MCF2L: variants seen among roughly 807,000 people sequenced by gnomAD.
MCF2L encodes the protein guanine nucleotide exchange factor DBS.
Under a neutral mutation model 153.4 loss-of-function variants are expected in MCF2L, and 97 were observed. The ratio of observed to expected loss-of-function variants is 0.63; its 90% CI spans 0.54 to 0.75. The LOEUF (loss-of-function observed/expected upper bound fraction) is 0.75. Ranked by LOEUF, MCF2L falls within the 30% of genes least tolerant of loss-of-function variation. MCF2L has a pLI of 0.00. For synonymous variants in MCF2L, 659 were observed against 632.2 expected, an observed-to-expected ratio of 1.04 and a Z score of -0.64; for missense variants, 1,347 against 1,495.2, an observed-to-expected ratio of 0.90 and a Z score of 1.64.
intron 1 of MCF2L, among the ~76,000 whole-genome samples, chr13:112,974,120 C>T (rs2082140378): frequency 1.3e-5 from 2 of 152,322 alleles, no homozygotes; most frequent in South Asian, 4.1e-4. Context: ...TCACCTGCCG[C>T]TCCACATCAC....
At position 113,053,971 on chromosome 13, in the gene MCF2L, G is replaced by A. The variant is rs75233128; in HGVS notation, c.370-6622G>A. Among the ~76,000 whole-genome samples, 375 of 152,274 alleles carry A rather than the reference G, an allele frequency of 2.5e-3. No homozygotes were observed. The highest frequency in any genetic ancestry group is 8.4e-3 in the African/African-American group (349 of 41,558). Reference sequence around the variant, plus strand: ...ATGGGAGCTCAGTTCACACGGCTCCGAATCGGCGAAACGCAACCAACGCTG... The same window carrying A: ...ATGGGAGCTCAGTTCACACGGCTCCAAATCGGCGAAACGCAACCAACGCTG... On this transcript the variant is annotated intron_variant, in intron 4 of 29. Transcript: ENST00000535094. The surrounding 1 kb of genome is among the most constrained non-coding windows in gnomAD (Gnocchi z 4.4).
At chr13:113,095,331 A>G (rs2146751) in intron 27 of MCF2L, 803,368 of 1,169,188 alleles carry the variant, frequency 0.69, 279,129 homozygotes, top group Admixed American at 0.72. Context: ...GTGGAAGGGT[A>G]GGGAGAGCCC....
intron 2 of MCF2L, among the ~76,000 whole-genome samples, chr13:112,934,178 A>G (rs1481183322): frequency 1.3e-5 from 2 of 152,198 alleles, no homozygotes; most frequent in Non-Finnish European, 2.9e-5. Context: ...AGATGCATGG[A>G]AGCCCCCTGC....
At chr13:113,025,700 GTGA>G (rs2085221479) in intron 3 of MCF2L, among the ~76,000 whole-genome samples, 4 of 124,332 alleles carry the variant, frequency 3.2e-5, no homozygotes, top group African/African-American at 1.2e-4. Flanking sequence ...TGGGGTCCCC[GTGA>G]CTGTGGGTCG....
intron 1 of MCF2L, chr13:113,008,863 G>A (rs762870512): frequency 2.0e-5 from 3 of 152,258 alleles, no homozygotes; most frequent in African/African-American, 7.2e-5. Context: ...CATGTGTGCT[G>A]AGGACACGCT....
chr13:113,009,994 T>A (rs1231383092), intron 1 of MCF2L: 1 of 152,126 alleles, frequency 6.6e-6, no homozygotes, highest in Non-Finnish European at 1.5e-5. Flanking sequence ...GAGAGACTTG[T>A]CCTCTCCTCT....
chr13:113,024,184 CCACAAACAGTACAGTTAGG>C (rs1258204010), intron 2 of MCF2L, among the ~76,000 whole-genome samples: 1 of 152,164 alleles, frequency 6.6e-6, no homozygotes, highest in African/African-American at 2.4e-5. Flanking sequence ...TAGACGATAC[CCACAAACAGTACAGTTAGG>C]CAGGTTATTA....
intron 15 of MCF2L, among the ~76,000 whole-genome samples, chr13:113,079,252 T>C (rs1035561794): frequency 6.6e-5 from 10 of 152,156 alleles, no homozygotes; most frequent in Admixed American, 2.0e-4. Context: ...CAGTTCTCTT[T>C]CCTCCTTCAC....
intron 1 of MCF2L, among the ~76,000 whole-genome samples, chr13:112,976,512 G>A (rs368575072): frequency 3.3e-5 from 5 of 152,296 alleles, no homozygotes; most frequent in South Asian, 4.1e-4. Context: ...GACCACACGC[G>A]GCTCTGGGCT....
chr13:112,970,693 C>A (rs1347163586), intron 1 of MCF2L, among the ~76,000 whole-genome samples: 1 of 152,114 alleles, frequency 6.6e-6, no homozygotes, highest in Non-Finnish European at 1.5e-5. Context: ...GTGTCAGAGT[C>A]ACAGAGTGGG....
At chr13:113,026,253 G>A (rs3011513) in intron 3 of MCF2L, among the ~76,000 whole-genome samples, 8,011 of 124,394 alleles carry the variant, frequency 0.064, no homozygotes, top group East Asian at 0.11. Context: ...ACTGTGGGTC[G>A]GGGCAGAGTC....
intron 27 of MCF2L, 118 bp from the exon 28 acceptor site, chr13:113,096,253 G>T: frequency 1.3e-6 from 1 of 759,444 alleles, no homozygotes. Flanking sequence ...GGAGCTGGTC[G>T]TGGCCAGGAG....
intron 2 of MCF2L, among the ~76,000 whole-genome samples, chr13:112,962,301 ACT>A (rs1165588610): frequency 9.2e-5 from 14 of 152,234 alleles, no homozygotes; most frequent in African/African-American, 2.6e-4. Context: ...ATGTACACAC[ACT>A]CAGGCACATG....
intron 2 of MCF2L, among the ~76,000 whole-genome samples, chr13:112,930,931 C>T (rs991395094): frequency 6.6e-6 from 1 of 152,096 alleles, no homozygotes; most frequent in Non-Finnish European, 1.5e-5. Context: ...AGTGAGACTC[C>T]GTCTCAAATA....
rs928814394 is a variant in MCF2L at position 113,046,119 on chromosome 13, G to A, written c.369+758G>A. Reference sequence around the variant, plus strand: ...CAGAGTAATCATTTAAGAGGGAAGAGATTAAGTCAGCAGAAGCCCCCAAAT... The same window carrying A: ...CAGAGTAATCATTTAAGAGGGAAGAAATTAAGTCAGCAGAAGCCCCCAAAT... On this transcript the variant is annotated intron_variant, in intron 4 of 29. Coordinates refer to ENST00000535094, the MANE Select transcript of MCF2L (RefSeq NM_001112732.3). This position sits in a 1 kb window ranked among gnomAD's most constrained non-coding sequence, Gnocchi z 4.4. 3 of 161,252 alleles carry A rather than the reference G, an allele frequency of 1.9e-5. No homozygotes were observed. The highest frequency in any genetic ancestry group is 1.9e-4 in the Admixed American group (3 of 16,134). The allele number at this position is 161,252 out of a possible 1,614,324, so 10.0% of individuals were successfully genotyped here.
At chr13:113,006,917 G>T (rs761822567) in intron 1 of MCF2L, among the ~76,000 whole-genome samples, 3 of 152,190 alleles carry the variant, frequency 2.0e-5, no homozygotes, top group Non-Finnish European at 4.4e-5. Flanking sequence ...CTGTGTAGCG[G>T]GTAGGGCTGT....
chr13:112,979,724 G>C (rs1488451254), intron 1 of MCF2L: 1 of 1,612,510 alleles, frequency 6.2e-7, no homozygotes, highest in Admixed American at 1.7e-5. Context: ...CACTGCCCAG[G>C]AGGCGCCGGG....
At chr13:112,976,860 C>A (rs557619809) in intron 1 of MCF2L, among the ~76,000 whole-genome samples, 2 of 152,204 alleles carry the variant, frequency 1.3e-5, no homozygotes, top group Non-Finnish European at 2.9e-5. Context: ...GCAGGGCTGG[C>A]GCAGAGGGGT....
intron 3 of MCF2L, among the ~76,000 whole-genome samples, chr13:113,030,576 C>T (rs1474001442): frequency 1.3e-5 from 2 of 151,056 alleles, no homozygotes; most frequent in African/African-American, 2.4e-5. Flanking sequence ...CGGGTGTCCG[C>T]CGACGCAGGT....
Sources: gnomAD v4.1 joint callset for allele counts (sites outside exome capture counted in the v4.1 genomes callset) on GRCh38, gnomAD v4.1.1 for gene constraint, Gnocchi (gnomAD v3.1) non-coding constraint, MANE v1.5 for transcripts, NCBI Gene and HGNC (gene_info 2026-07-23, HGNC 2026-07-21) for gene names.